The following PCDHGA3 variants were observed in gnomAD, a reference collection of about 807,000 sequenced individuals.
The protein encoded by PCDHGA3 is protocadherin gamma subfamily A, 3.
A neutral mutation model predicts 58.5 loss-of-function variants in PCDHGA3; 40 were observed. That is an observed-to-expected ratio of 0.68 (90% CI 0.53 to 0.89). PCDHGA3 has a LOEUF of 0.89. PCDHGA3 is among the 40% of genes least tolerant of loss of function. PCDHGA3 has a pLI of 0.00. For synonymous variants in PCDHGA3, 530 were observed against 525.7 expected (o/e 1.01, Z -0.11); for missense variants, 1,223 against 1,195.9 (o/e 1.02, Z -0.33).
intron 1 of PCDHGA3, chr5:141,427,440 G>C (rs747459662): frequency 4.2e-6 from 2 of 477,366 alleles, no homozygotes; most frequent in African/African-American, 2.0e-5. Flanking sequence ...CCTCATAAAC[G>C]AAAGAGTTCC....
intron 1 of PCDHGA3, among the ~76,000 whole-genome samples, chr5:141,482,755 T>TGAAGTGGGAGAATTGCTTGAGCCTGGG (rs1554165462): frequency 6.3e-5 from 9 of 143,570 alleles, no homozygotes; most frequent in African/African-American, 1.4e-4. Context: ...GGGATTATGG[T>TGAAGTGGGAGAATTGCTTGAGCCTGGG]ATTTCATTAT....
rs774271747 is a variant in PCDHGA3 at position 141,485,866 on chromosome 5, C to A, written c.2425-8941C>A. On this transcript the variant is annotated intron_variant, in intron 1 of 3. Coordinates refer to ENST00000253812, the MANE Select transcript of PCDHGA3 (RefSeq NM_018916.4). The surrounding 1 kb of genome is among the most constrained non-coding windows in gnomAD (Gnocchi z 5.7). Reference sequence around the variant, plus strand: ...CTGGCACCGCAGAGCTCCGGGTATCCGTGCTGGACGTAAACGACAACGCCC... The same window carrying A: ...CTGGCACCGCAGAGCTCCGGGTATCAGTGCTGGACGTAAACGACAACGCCC... 2 of 1,614,144 alleles carry A rather than the reference C, an allele frequency of 1.2e-6. No homozygotes were observed. Among genetic ancestry groups the A allele is most frequent in the South Asian group, 1.1e-5 (1 of 91,074 alleles).
chr5:141,343,873 T>A lies in PCDHGA3; in HGVS notation c.-161T>A, dbSNP rs1214776132. 1.7e-6 allele frequency: 1 copy of A among 600,262 alleles called. No homozygotes were observed. 37.2% of individuals were successfully genotyped at this position (600,262 alleles called of 1,614,324 possible). A position where few individuals can be genotyped will look rare whatever the true frequency, so the allele number is the denominator to read the frequency against. On this transcript the variant is annotated 5_prime_UTR_variant, in exon 1 of 4. Coordinates refer to ENST00000253812, the MANE Select transcript of PCDHGA3 (RefSeq NM_018916.4). Reference sequence around the variant, plus strand: ...AATGCAAAGAACCAGCAAATCAGACTCAGAAGATCCGGGGCGGCTGCCAAC... The same window carrying A: ...AATGCAAAGAACCAGCAAATCAGACACAGAAGATCCGGGGCGGCTGCCAAC...
chr5:141,355,885 C>T, intron 1 of PCDHGA3: 1 of 1,613,374 alleles, frequency 6.2e-7, no homozygotes, highest in Non-Finnish European at 8.5e-7. Flanking sequence ...TGCCAGGATT[C>T]TCATAATACT....
chr5:141,376,576 T>G, intron 1 of PCDHGA3: 1 of 1,596,960 alleles, frequency 6.3e-7, no homozygotes, highest in Non-Finnish European at 8.5e-7. Context: ...TCAGACAGGC[T>G]CATCAGCTAG....
At chr5:141,418,583 T>A (rs1242446631) in intron 1 of PCDHGA3, 1 of 1,613,862 alleles carries the variant, frequency 6.2e-7, no homozygotes, top group Non-Finnish European at 8.5e-7. Flanking sequence ...CCCCCCAGTG[T>A]TCAGCCAGGA....
intron 1 of PCDHGA3, chr5:141,413,606 TA>T (rs778210256): frequency 6.8e-6 from 11 of 1,613,848 alleles, no homozygotes; most frequent in Admixed American, 5.0e-5. Context: ...AATCTAGACG[TA>T]AAAATTAATG....
At chr5:141,467,059 T>C (rs1157689140) in intron 1 of PCDHGA3, among the ~76,000 whole-genome samples, 2 of 151,064 alleles carry the variant, frequency 1.3e-5, no homozygotes, top group African/African-American at 2.4e-5. Context: ...TGTTTTCTTT[T>C]TTTTTTTTTT....
intron 2 of PCDHGA3, among the ~76,000 whole-genome samples, chr5:141,503,855 TA>T (rs2099832899): frequency 1.3e-5 from 2 of 152,136 alleles, no homozygotes; most frequent in Non-Finnish European, 2.9e-5. Context: ...GGAAAAATTG[TA>T]AAGCAGTTCT....
chr5:141,355,807 G>T (rs1444554207), intron 1 of PCDHGA3: 2 of 1,613,264 alleles, frequency 1.2e-6, no homozygotes. Context: ...TCTAGATCGC[G>T]AGGAAGAGGC....
At chr5:141,380,859 A>G (rs1428223236) in intron 1 of PCDHGA3, among the ~76,000 whole-genome samples, 1 of 152,262 alleles carries the variant, frequency 6.6e-6, no homozygotes, top group Non-Finnish European at 1.5e-5. Context: ...AGACATTGAG[A>G]GCTATAACCT....
chr5:141,397,087 A>G (rs1386683594), intron 1 of PCDHGA3, among the ~76,000 whole-genome samples: 3 of 152,240 alleles, frequency 2.0e-5, no homozygotes, highest in African/African-American at 7.2e-5. Context: ...AAGTCATTTC[A>G]GATAGGATAA....
intron 1 of PCDHGA3, among the ~76,000 whole-genome samples, chr5:141,457,854 C>A (rs2098930903): frequency 6.6e-6 from 1 of 152,234 alleles, no homozygotes; most frequent in African/African-American, 2.4e-5. Flanking sequence ...AAGTGACATT[C>A]TTCACTGACC....
chr5:141,347,164 TTTC>T (rs2149744188), intron 1 of PCDHGA3, among the ~76,000 whole-genome samples: 1 of 146,904 alleles, frequency 6.8e-6, no homozygotes, highest in East Asian at 2.0e-4. Flanking sequence ...TCTTTCTTTC[TTTC>T]TTTCTTTCTT....
Position 141,476,949 on chromosome 5 carries a change from A to G in PCDHGA3, c.2425-17858A>G. The stretch of plus-strand genomic sequence containing the variant: ...GATCTGGATGAAGGCCCCAACGGTG[A>G]AATTATTTACTCCTTCGGCAGCCAC... On this transcript the variant is annotated intron_variant, in intron 1 of 3. Transcript: ENST00000253812. The surrounding 1 kb of genome is among the most constrained non-coding windows in gnomAD (Gnocchi z 7.6). 6.2e-7 allele frequency: 1 copy of G among 1,614,200 alleles called. No individual in the cohort carries two copies. Among genetic ancestry groups the G allele is most frequent in the Admixed American group, 1.7e-5 (1 of 60,038 alleles).
At position 141,432,643 on chromosome 5, in the gene PCDHGA3, G is replaced by A. The variant is rs2097523971; in HGVS notation, c.2425-62164G>A. 15 of 1,613,754 alleles carry A rather than the reference G, an allele frequency of 9.3e-6. No homozygotes were observed. Among genetic ancestry groups the A allele is most frequent in the East Asian group, 4.5e-5 (2 of 44,860 alleles). ...GTCTGCACACGGGCGAGGTGCGCAC[G>A]GCGCGAGCCCTGCTGGACAGAGACG... On this transcript the variant is annotated intron_variant, in intron 1 of 3. Coordinates refer to ENST00000253812, the MANE Select transcript of PCDHGA3 (RefSeq NM_018916.4). This position sits in a 1 kb window ranked among gnomAD's most constrained non-coding sequence, Gnocchi z 6.0.
intron 1 of PCDHGA3, among the ~76,000 whole-genome samples, chr5:141,382,019 G>T (rs1777875192): frequency 6.6e-6 from 1 of 151,628 alleles, no homozygotes; most frequent in South Asian, 2.1e-4. Flanking sequence ...AGTAGAGACG[G>T]GGTTTCTCCA....
intron 2 of PCDHGA3, among the ~76,000 whole-genome samples, chr5:141,501,719 T>C (rs1024307894): frequency 6.6e-6 from 1 of 152,028 alleles, no homozygotes; most frequent in African/African-American, 2.4e-5. Context: ...AAAAGACAAA[T>C]ATATTACCCA....
At chr5:141,384,845 A>G (rs866832912) in intron 1 of PCDHGA3, 1 of 1,613,546 alleles carries the variant, frequency 6.2e-7, no homozygotes. Flanking sequence ...GTCCAGGACC[A>G]CGGTCAGCCT....
Sources: allele counts gnomAD v4.1 joint callset (sites outside exome capture counted in the v4.1 genomes callset), GRCh38; gene constraint gnomAD v4.1.1; non-coding constraint Gnocchi (gnomAD v3.1); transcripts MANE v1.5; gene names NCBI Gene and HGNC (gene_info 2026-07-23, HGNC 2026-07-21).